Variants in MTCL1 observed in about 807,000 individuals in gnomAD.
MTCL1 encodes microtubule crosslinking factor 1, also known as microtubule cross-linking factor 1.
Under a neutral mutation model 141.4 loss-of-function variants are expected in MTCL1, and 79 were observed. That is an observed-to-expected ratio of 0.56 (90% CI 0.47 to 0.67). MTCL1 has a LOEUF of 0.67. Among genes scored for constraint, MTCL1 ranks in the 30% least tolerant of loss-of-function variants. The pLI is 0.00. For missense variants in MTCL1, 2,177 were observed against 2,113.9 expected, an observed-to-expected ratio of 1.03 and a Z score of -0.59; for synonymous variants, 914 against 875.8, an observed-to-expected ratio of 1.04 and a Z score of -0.77.
At chr18:8,740,209 C>T (rs769020216) in intron 4 of MTCL1, among the ~76,000 whole-genome samples, 28 of 152,202 alleles carry the variant, frequency 1.8e-4, no homozygotes, top group Non-Finnish European at 2.9e-5. Flanking sequence ...GTATATTGCT[C>T]TTTTTACTCA....
intron 11 of MTCL1, chr18:8,809,429 T>A (rs1421642519): frequency 2.0e-6 from 3 of 1,533,980 alleles, no homozygotes; most frequent in Non-Finnish European, 2.6e-6. Context: ...ATCACACACA[T>A]CTCTCCATTT....
intron 4 of MTCL1, among the ~76,000 whole-genome samples, chr18:8,744,959 C>T (rs896639007): frequency 3.9e-5 from 6 of 152,218 alleles, no homozygotes; most frequent in Admixed American, 3.3e-4. Context: ...CCCCCCTGAG[C>T]TGTCCGGCTG....
upstream of MTCL1, chr18:8,705,607 C>G (rs2096056215): frequency 8.3e-7 from 1 of 1,210,284 alleles, no homozygotes. The surrounding 1 kb of genome is among the most constrained non-coding windows in gnomAD (Gnocchi z 5.2). Flanking sequence ...CCGCCGCCGC[C>G]GCCGTCGTCG....
exon 6 of MTCL1, chr18:8,783,928 T>G (rs759515676): frequency 6.2e-7 from 1 of 1,613,536 alleles, no homozygotes; most frequent in East Asian, 2.2e-5. Context: ...AGTCCTCCAC[T>G]GAGCTCCGCC....
intron 4 of MTCL1, among the ~76,000 whole-genome samples, chr18:8,774,253 A>AGTGTGTGT (rs1568007863): frequency 3.8e-4 from 38 of 100,060 alleles, no homozygotes; most frequent in African/African-American, 1.5e-3. Context: ...ACTCTTTTCG[A>AGTGTGTGT]ATGTGTGTGT....
chr18:8,784,433 C>A lies in MTCL1; in HGVS notation c.1321C>A (p.Pro441Thr). 1.3e-6 allele frequency: 2 copies of A among 1,529,608 alleles called. No individual in the cohort carries two copies. Among genetic ancestry groups the A allele is most frequent in the South Asian group, 2.6e-5 (2 of 76,730 alleles). 94.8% of individuals were successfully genotyped at this position (1,529,608 alleles called of 1,614,324 possible). Residue 441 changes from proline (P) to threonine (T), a missense_variant, in exon 6 of 17, where the codon CCC becomes ACC. Physicochemically the swap from Pro to Thr is conservative, Grantham distance 38. Coordinates refer to ENST00000359865, the Ensembl canonical transcript of MTCL1. ...GCCATCGGAGGCCAGCGAGCCATGC[C>A]CCACGGAGCTCCTGAAGGCCCGGGA...
chr18:8,819,860 C>A (rs914348609), intron 13 of MTCL1, among the ~76,000 whole-genome samples: 3 of 152,158 alleles, frequency 2.0e-5, no homozygotes, highest in Admixed American at 1.3e-4. Flanking sequence ...ATCTGTCTGC[C>A]TTGGCTTCCC....
chr18:8,812,679 G>A (rs566584112), intron 11 of MTCL1, among the ~76,000 whole-genome samples: 1 of 152,156 alleles, frequency 6.6e-6, no homozygotes, highest in Non-Finnish European at 1.5e-5. Context: ...GACGGACATG[G>A]TACCTGCCCA....
intron 10 of MTCL1, among the ~76,000 whole-genome samples, chr18:8,805,184 G>A (rs1474495001): frequency 3.3e-5 from 5 of 151,612 alleles, no homozygotes; most frequent in Admixed American, 1.3e-4. Flanking sequence ...TTGCTGAGGT[G>A]TGGGCTTCTA....
intron 4 of MTCL1, among the ~76,000 whole-genome samples, chr18:8,767,087 G>A (rs1243799875): frequency 6.6e-6 from 1 of 152,194 alleles, no homozygotes; most frequent in Non-Finnish European, 1.5e-5. Context: ...CAGGACAGTG[G>A]CAGAGGCTGA....
chr18:8,770,143 T>TC (rs2096479092), intron 4 of MTCL1, among the ~76,000 whole-genome samples: 1 of 152,208 alleles, frequency 6.6e-6, no homozygotes, highest in Non-Finnish European at 1.5e-5. Context: ...GGCTGTGACC[T>TC]TGAATGTAGG....
intron 9 of MTCL1, 69 bp downstream of exon 8, chr18:8,796,531 T>C (rs541797830): frequency 6.3e-6 from 9 of 1,427,914 alleles, no homozygotes; most frequent in Non-Finnish European, 8.8e-6. Flanking sequence ...TGCTTTCTCC[T>C]CACCCACCCT....
At chr18:8,790,422 T>C (rs1309675806) in intron 7 of MTCL1, among the ~76,000 whole-genome samples, 1 of 152,256 alleles carries the variant, frequency 6.6e-6, no homozygotes, top group Non-Finnish European at 1.5e-5. Context: ...GAAGGATTTT[T>C]ACATTTTGAG....
intron 10 of MTCL1, among the ~76,000 whole-genome samples, chr18:8,800,200 C>T (rs2076069666): frequency 6.6e-6 from 1 of 152,204 alleles, no homozygotes; most frequent in South Asian, 2.1e-4. Flanking sequence ...ATTAGCCAGG[C>T]AGCTGGGATG....
exon 7 of MTCL1, chr18:8,785,980 A>G (rs1337850564): frequency 9.4e-6 from 15 of 1,604,050 alleles, no homozygotes; most frequent in Non-Finnish European, 1.3e-5. Context: ...GGCCGGCCCG[A>G]GGGGACGAGC....
At chr18:8,819,090 C>G in exon 13 of MTCL1, 8 of 1,614,240 alleles carry the variant, frequency 5.0e-6, no homozygotes, top group Non-Finnish European at 6.8e-6. Context: ...TGGCCTTGTG[C>G]AGATGCTGAC....
At chr18:8,825,866 C>T in exon 15 of MTCL1, 1 of 1,614,226 alleles carries the variant, frequency 6.2e-7, no homozygotes, top group Non-Finnish European at 8.5e-7. Flanking sequence ...TCATTGACCA[C>T]AGCCCCGTGG....
At chr18:8,766,601 T>A (rs186393608) in intron 4 of MTCL1, among the ~76,000 whole-genome samples, 1 of 152,254 alleles carries the variant, frequency 6.6e-6, no homozygotes. Flanking sequence ...GGTGTTAACT[T>A]TCTTAGCCTG....
At chr18:8,736,310 G>T (rs1024858278) in intron 4 of MTCL1, among the ~76,000 whole-genome samples, 1 of 150,426 alleles carries the variant, frequency 6.6e-6, no homozygotes, top group African/African-American at 2.5e-5. Context: ...TTATCATGGG[G>T]TTACATCCGA....
Sources: allele counts gnomAD v4.1 joint callset (sites outside exome capture counted in the v4.1 genomes callset), GRCh38; gene constraint gnomAD v4.1.1; non-coding constraint Gnocchi (gnomAD v3.1); transcripts MANE v1.5; gene names NCBI Gene and HGNC (gene_info 2026-07-23, HGNC 2026-07-21).